The following SYN3 variants were observed in gnomAD, a reference collection of about 807,000 sequenced individuals.
SYN3 encodes synapsin-3.
A neutral mutation model predicts 65.8 loss-of-function variants in SYN3; 35 were observed. The ratio of observed to expected loss-of-function variants is 0.53; its 90% confidence interval spans 0.41 to 0.70. The LOEUF is 0.70. SYN3 is among the 30% of genes least tolerant of loss of function. The probability of loss-of-function intolerance (pLI) is 0.00; values close to 1 mark genes in which losing one functional copy is unlikely to be tolerated. For missense variants in SYN3, 680 were observed against 749.0 expected, an observed-to-expected ratio of 0.91 and a Z score of 1.08; for synonymous variants, 270 against 292.9, an observed-to-expected ratio of 0.92 and a Z score of 0.80.
chr22:32,968,350 G>A (rs1450180356), intron 3 of SYN3, among the ~76,000 whole-genome samples: 1 of 152,154 alleles, frequency 6.6e-6, no homozygotes, highest in Non-Finnish European at 1.5e-5. Context: ...ATCCAGAGCT[G>A]AGCTTTTCTG....
intron 6 of SYN3, among the ~76,000 whole-genome samples, chr22:32,761,741 T>C (rs941351679): frequency 2.6e-4 from 40 of 152,196 alleles, no homozygotes; most frequent in African/African-American, 9.7e-4. Flanking sequence ...CCTTCCTCCA[T>C]TTATTTATTT....
At chr22:32,641,982 C>T (rs916102191) in intron 6 of SYN3, among the ~76,000 whole-genome samples, 2 of 152,110 alleles carry the variant, frequency 1.3e-5, no homozygotes, top group Non-Finnish European at 2.9e-5. Context: ...AATCCTCACA[C>T]TGTGCTGGTT....
chr22:33,025,004 T>G (rs1319053378), intron 1 of SYN3, among the ~76,000 whole-genome samples: 4 of 152,210 alleles, frequency 2.6e-5, no homozygotes, highest in African/African-American at 9.6e-5. Flanking sequence ...CAGGTAAGTA[T>G]GAGTCTCCTC....
intron 4 of SYN3, among the ~76,000 whole-genome samples, chr22:32,924,062 C>T (rs2050405411): frequency 2.0e-5 from 3 of 152,130 alleles, no homozygotes; most frequent in Non-Finnish European, 4.4e-5. Context: ...GTATATGTAC[C>T]ACATTTTCTT....
intron 6 of SYN3, among the ~76,000 whole-genome samples, chr22:32,779,657 A>C: frequency 6.6e-6 from 1 of 152,088 alleles, no homozygotes; most frequent in Non-Finnish European, 1.5e-5. Flanking sequence ...ACCCAGGGGC[A>C]CTCAGCTGGC....
intron 6 of SYN3, among the ~76,000 whole-genome samples, chr22:32,646,981 C>T (rs1329939508): frequency 1.3e-5 from 2 of 152,172 alleles, no homozygotes; most frequent in Non-Finnish European, 2.9e-5. Flanking sequence ...AAGCCCCCTG[C>T]CTTCGCTGGT....
intron 7 of SYN3, among the ~76,000 whole-genome samples, chr22:32,573,552 A>G (rs1286665731): frequency 6.6e-6 from 1 of 152,122 alleles, no homozygotes; most frequent in Non-Finnish European, 1.5e-5. Context: ...TTGTAAATGA[A>G]AAGTTATTGA....
At chr22:32,638,446 CT>C (rs1380953923) in intron 6 of SYN3, among the ~76,000 whole-genome samples, 1 of 152,190 alleles carries the variant, frequency 6.6e-6, no homozygotes, top group Non-Finnish European at 1.5e-5. Flanking sequence ...TAAACATTCC[CT>C]TTTCTCTGCA....
chr22:33,039,458 C>T (rs2053922898), intron 1 of SYN3, among the ~76,000 whole-genome samples: 1 of 151,410 alleles, frequency 6.6e-6, no homozygotes, highest in African/African-American at 2.4e-5. Context: ...TCACTGCAAC[C>T]TCCGCCTCCT....
At chr22:32,919,555 T>C (rs755604778) in intron 4 of SYN3, among the ~76,000 whole-genome samples, 1 of 152,050 alleles carries the variant, frequency 6.6e-6, no homozygotes, top group Non-Finnish European at 1.5e-5. Context: ...TGGGAGTGAG[T>C]GCAGGAACTG....
Position 32,541,719 on chromosome 22 carries a change from T to C in SYN3, c.775-6A>G. 6.2e-7 allele frequency: 1 copy of C among 1,612,940 alleles called. No individual in the cohort carries two copies. The highest frequency in any genetic ancestry group is 8.5e-7 in the Non-Finnish European group (1 of 1,179,426). ...AGCTGGTTTTCCACTTTGATCTGTG[T>C]GGGAGGATGAGGGGGATGAGTGCCA... On this transcript the variant is annotated splice_polypyrimidine_tract_variant and splice_region_variant and intron_variant, in intron 7 of 13. Coordinates refer to ENST00000358763, the MANE Select transcript of SYN3 (RefSeq NM_003490.4).
At chr22:32,762,197 C>A (rs2045502072) in intron 6 of SYN3, among the ~76,000 whole-genome samples, 1 of 152,220 alleles carries the variant, frequency 6.6e-6, no homozygotes, top group Non-Finnish European at 1.5e-5. Flanking sequence ...ATACATCCTT[C>A]CTCAGGGTTA....
chr22:32,550,649 A>G (rs902623398), intron 7 of SYN3, among the ~76,000 whole-genome samples: 1 of 152,042 alleles, frequency 6.6e-6, no homozygotes, highest in Non-Finnish European at 1.5e-5. Context: ...TTTTTCTCTT[A>G]AAAACATATA....
rs1200910181 is a variant in SYN3 at position 32,562,179 on chromosome 22, C to T, written c.775-20466G>A. On this transcript the variant is annotated intron_variant, in intron 7 of 13. Coordinates refer to ENST00000358763, the MANE Select transcript of SYN3 (RefSeq NM_003490.4). Reference sequence around the variant, plus strand: ...TCTGAAAGGCACATATTCAATGGTTCGTCATGAGACTTTGCACAGTGGATA... The same window carrying T: ...TCTGAAAGGCACATATTCAATGGTTTGTCATGAGACTTTGCACAGTGGATA... Among the ~76,000 whole-genome samples the T allele has an allele frequency of 2.6e-5, 4 of 152,208 alleles. No homozygotes were observed. In the East Asian group the frequency reaches 7.7e-4, roughly 29 times the overall value.
chr22:32,571,215 C>T (rs1569050003), intron 7 of SYN3, among the ~76,000 whole-genome samples: 1 of 152,028 alleles, frequency 6.6e-6, no homozygotes, highest in African/African-American at 2.4e-5. Context: ...AGAGCATCCC[C>T]CCTCCCCTTC....
chr22:32,913,168 T>A lies in SYN3; in HGVS notation c.461+18222A>T, dbSNP rs184140318. Among the ~76,000 whole-genome samples the A allele has an allele frequency of 6.0e-3, 916 of 152,042 alleles. 9 individuals carry two copies. The highest frequency in any genetic ancestry group is 0.021 in the African/African-American group (858 of 41,500). ...CTAAGATGTAAACTCTATTAATTTT[T>A]TTTTTTTTTTGAGATGGAGTCTCGC... On this transcript the variant is annotated intron_variant, in intron 4 of 13. Transcript: ENST00000358763.
At chr22:32,973,789 C>T (rs564797776) in intron 3 of SYN3, among the ~76,000 whole-genome samples, 1 of 152,284 alleles carries the variant, frequency 6.6e-6, no homozygotes, top group African/African-American at 2.4e-5. Flanking sequence ...GGACAAAGTA[C>T]CCATCTTTTG....
chr22:32,812,440 G>T (rs2046939916), intron 6 of SYN3, among the ~76,000 whole-genome samples: 1 of 152,170 alleles, frequency 6.6e-6, no homozygotes, highest in South Asian at 2.1e-4. Context: ...CAGCAACCTT[G>T]CAGACTTAGT....
chr22:32,571,521 A>C (rs775243895), intron 7 of SYN3, among the ~76,000 whole-genome samples: 2 of 152,142 alleles, frequency 1.3e-5, no homozygotes, highest in Non-Finnish European at 2.9e-5. Flanking sequence ...CTAAGCTATT[A>C]ATGGGTTATA....
Sources: gnomAD v4.1 joint callset for allele counts (sites outside exome capture counted in the v4.1 genomes callset) on GRCh38, gnomAD v4.1.1 for gene constraint, MANE v1.5 for transcripts, NCBI Gene and HGNC (gene_info 2026-07-23, HGNC 2026-07-21) for gene names.